Variants in KDELR3 observed in about 807,000 individuals in gnomAD.
KDELR3 encodes KDEL endoplasmic reticulum protein retention receptor 3, also known as ER lumen protein-retaining receptor 3.
A neutral mutation model predicts 22.7 loss-of-function variants in KDELR3; 26 were observed. The ratio of observed to expected loss-of-function variants is 1.15; its 90% CI spans 0.84 to 1.59. KDELR3 has a LOEUF of 1.59. KDELR3 is among the 40% of genes most tolerant of loss of function. The pLI, the probability that KDELR3 is intolerant of heterozygous loss-of-function variation, is 0.00. For missense variants in KDELR3, 289 were observed against 251.1 expected, an observed-to-expected ratio of 1.15 and a Z score of -1.02; for synonymous variants, 120 against 98.2, an observed-to-expected ratio of 1.22 and a Z score of -1.31.
At chr22:38,473,834 C>T (rs2089539990) in intron 1 of KDELR3, among the ~76,000 whole-genome samples, 3 of 152,000 alleles carry the variant, frequency 2.0e-5, no homozygotes, top group Admixed American at 6.6e-5. Context: ...ATTAGCCAGG[C>T]GTGGTGGCAG....
At position 38,475,794 on chromosome 22, in the gene KDELR3, C is replaced by T. The variant is rs556017218; in HGVS notation, c.192+1171C>T. Among the ~76,000 whole-genome samples, 4 of 151,984 alleles carry T rather than the reference C, an allele frequency of 2.6e-5. No individual in the cohort carries two copies. The East Asian group carries it at 7.8e-4, about 29-fold the overall frequency. The stretch of plus-strand genomic sequence containing the variant: ...GACTACAGGCATGTGCCACCATGTC[C>T]AGCTAATTTTTGTATTTTTAGGAGA... On this transcript the variant is annotated intron_variant, in intron 2 of 4. Transcript: ENST00000216014.
In KDELR3 at chr22:38,481,100, TCCC is replaced by T. The variant is rs999691537; in HGVS notation, c.352-111_352-109del. 2.1e-5 allele frequency: 19 copies of T among 920,980 alleles called. No individual in the cohort carries two copies. In the African/African-American group the frequency reaches 2.8e-4, roughly 14 times the overall value. 57.1% of individuals were successfully genotyped at this position (920,980 alleles called of 1,614,324 possible). A position where few individuals can be genotyped will look rare whatever the true frequency, so the allele number is the denominator to read the frequency against. On this transcript the variant is annotated intron_variant, in intron 3 of 4. Coordinates refer to ENST00000216014, the MANE Select transcript of KDELR3 (RefSeq NM_006855.4). ...ATTATAATTTTTATTGAGAACTTTT[TCCC>T]TCCTTACTGTACCTTCTCCAGCAAG... is the stretch of plus-strand genomic sequence containing the variant.
chr22:38,482,533 C>CT lies in KDELR3; in HGVS notation c.643dup (p.Ter215LeufsTer62). Reference sequence around the variant, plus strand: ...AGAAGTTAAGTCTTCCAATGCCAATCTGAGGACCTTCAGAGACAGTCTACG... The same window carrying CT: ...AGAAGTTAAGTCTTCCAATGCCAATCTTGAGGACCTTCAGAGACAGTCTACG... On this transcript the variant is annotated frameshift_variant, in exon 5 of 5. Transcript: ENST00000216014. LOFTEE classifies it high-confidence loss of function. 1 of 1,612,058 alleles carries CT rather than the reference C, an allele frequency of 6.2e-7. No homozygotes were observed. Among genetic ancestry groups the CT allele is most frequent in the Non-Finnish European group, 8.5e-7 (1 of 1,178,078 alleles).
At position 38,483,236 on chromosome 22, in the gene KDELR3, TAC is replaced by T. The variant is rs1275917953; in HGVS notation, c.*702_*703del. The T allele has an allele frequency of 1.3e-5, 2 of 152,340 alleles. No homozygotes were observed. The highest frequency in any genetic ancestry group is 2.9e-5 in the Non-Finnish European group (2 of 68,052). The allele number at this position is 152,340 out of a possible 1,614,324, so 9.4% of individuals were successfully genotyped here. ...AATCACTGTTTTACTTATGAGCAGATACAGATATATCCAAACCCTTACCTACT... is the reference window on the plus strand; with the variant it reads ...AATCACTGTTTTACTTATGAGCAGATAGATATATCCAAACCCTTACCTACT... On this transcript the variant is annotated 3_prime_UTR_variant, in exon 5 of 5. Transcript: ENST00000216014.
At position 38,479,643 on chromosome 22, in the gene KDELR3, A is replaced by G; in HGVS notation, c.243A>G (p.Lys81=). ...TTACAGTGTACATGATATATGGGAA[A>G]TTCCGTAAAACTTTTGACAGTGAGA... ...AYVTVYMIYG[K]FRKTFDSEND... is the part of the protein sequence containing the mutation. Residue 81 remains lysine, a synonymous_variant, in exon 3 of 5, where the codon AAA becomes AAG. Transcript: ENST00000216014. 1.2e-6 allele frequency: 2 copies of G among 1,614,050 alleles called. No individual in the cohort carries two copies. The highest frequency in any genetic ancestry group is 1.7e-6 in the Non-Finnish European group (2 of 1,179,922).
intron 4 of KDELR3, chr22:38,481,706 A>G: frequency 1.0e-5 from 13 of 1,304,898 alleles, no homozygotes; most frequent in Non-Finnish European, 1.3e-5. Flanking sequence ...ATACTTGGTT[A>G]GTAGTGAAAA....
At chr22:38,476,464 C>T (rs1485090063) in intron 2 of KDELR3, among the ~76,000 whole-genome samples, 1 of 152,064 alleles carries the variant, frequency 6.6e-6, no homozygotes, top group Non-Finnish European at 1.5e-5. Flanking sequence ...GTTATCTGCC[C>T]GCCTCGGCCT....
At chr22:38,479,154 C>G (rs1419212652) in intron 2 of KDELR3, among the ~76,000 whole-genome samples, 1 of 151,904 alleles carries the variant, frequency 6.6e-6, no homozygotes, top group Non-Finnish European at 1.5e-5. Context: ...TCACTCGACC[C>G]CAGGGTTTGA....
At chr22:38,473,059 C>T (rs1428637781) in intron 1 of KDELR3, among the ~76,000 whole-genome samples, 2 of 152,106 alleles carry the variant, frequency 1.3e-5, no homozygotes, top group Admixed American at 1.3e-4. Flanking sequence ...ACTGTCTTTA[C>T]AACTCTGTTG....
chr22:38,479,970 G>A lies in KDELR3; in HGVS notation c.351+219G>A, dbSNP rs181843947. ...GCCCATAAACCAAGCAGGCATCACA[G>A]CCCTACTTCTGGCTGTTGAGACGTT... On this transcript the variant is annotated intron_variant, in intron 3 of 4. Coordinates refer to ENST00000216014, the MANE Select transcript of KDELR3 (RefSeq NM_006855.4). 1.4e-4 allele frequency among the ~76,000 whole-genome samples: 21 copies of A among 152,298 alleles called. No homozygotes were observed. The East Asian group carries it at 2.5e-3, about 18-fold the overall frequency.
In KDELR3 at chr22:38,479,572, CAT is replaced by C. The variant is rs771470669; in HGVS notation, c.193-20_193-19del. On this transcript the variant is annotated intron_variant, in intron 2 of 4. Transcript: ENST00000216014. ...GAAATGACTTCATAGATTCGATTCC[CAT>C]GTCTCTCTCCCCTTTTAGGTGGTTT... 2 of 1,605,326 alleles carry C rather than the reference CAT, an allele frequency of 1.2e-6. No homozygotes were observed. Among genetic ancestry groups the C allele is most frequent in the Admixed American group, 3.3e-5 (2 of 59,898 alleles).
At chr22:38,479,057 T>A (rs1047109176) in intron 2 of KDELR3, among the ~76,000 whole-genome samples, 1 of 152,058 alleles carries the variant, frequency 6.6e-6, no homozygotes, top group Non-Finnish European at 1.5e-5. Flanking sequence ...TAGGAGAGCT[T>A]TTCTGAAGGA....
At position 38,468,182 on chromosome 22, in the gene KDELR3, A is replaced by C. The variant is rs2089498565; in HGVS notation, c.-52A>C. 4 of 1,559,276 alleles carry C rather than the reference A, an allele frequency of 2.6e-6. No individual in the cohort carries two copies. The East Asian group carries it at 9.0e-5, about 35-fold the overall frequency. The stretch of plus-strand genomic sequence containing the variant: ...ACGTGGCAGCCGCCCTGCCCGCCAG[A>C]AAGTTTCCTAGAAGTTTGCTGGGCG... On this transcript the variant is annotated 5_prime_UTR_variant, in exon 1 of 5. Coordinates refer to ENST00000216014, the MANE Select transcript of KDELR3 (RefSeq NM_006855.4).
intron 4 of KDELR3, 129 bp from the exon 5 acceptor site, chr22:38,482,367 C>T: frequency 4.0e-6 from 3 of 752,604 alleles, no homozygotes; most frequent in Middle Eastern, 3.4e-4. Flanking sequence ...TGGACTCCCC[C>T]TTTGCTTTAA....
At chr22:38,479,998 G>A (rs943083201) in intron 3 of KDELR3, among the ~76,000 whole-genome samples, 3 of 152,202 alleles carry the variant, frequency 2.0e-5, no homozygotes, top group African/African-American at 7.2e-5. Flanking sequence ...GAGACGTTCT[G>A]TTCAACCGAT....
At chr22:38,481,745 G>C in intron 4 of KDELR3, 6 of 1,008,090 alleles carry the variant, frequency 6.0e-6, no homozygotes, top group South Asian at 1.8e-5. Flanking sequence ...CAAGCCCCAA[G>C]GCAACCACCA....
chr22:38,477,576 T>C (rs2089569023), intron 2 of KDELR3, among the ~76,000 whole-genome samples: 1 of 152,192 alleles, frequency 6.6e-6, no homozygotes, highest in South Asian at 2.1e-4. Context: ...GAAGATCACA[T>C]GAGATAACAT....
At chr22:38,473,412 G>C (rs2145964272) in intron 1 of KDELR3, among the ~76,000 whole-genome samples, 1 of 152,112 alleles carries the variant, frequency 6.6e-6, no homozygotes, top group African/African-American at 2.4e-5. Context: ...CTGCACCCCA[G>C]CCTGGGAGAC....
intron 1 of KDELR3, among the ~76,000 whole-genome samples, chr22:38,470,110 G>A (rs2145961695): frequency 6.6e-6 from 1 of 150,998 alleles, no homozygotes; most frequent in South Asian, 2.1e-4. Context: ...GTAGGCGTGG[G>A]CCACTGCGCC....
Sources: allele counts gnomAD v4.1 joint callset (sites outside exome capture counted in the v4.1 genomes callset), GRCh38; gene constraint gnomAD v4.1.1; transcripts MANE v1.5; gene names NCBI Gene and HGNC (gene_info 2026-07-23, HGNC 2026-07-21).